NOX3: variants seen among roughly 807,000 people sequenced by gnomAD.
The protein encoded by NOX3 is NADPH oxidase catalytic subunit-like 3.
NOX3 carries 74 observed loss-of-function variants against 76.7 expected under a neutral mutation model. That is an observed-to-expected ratio of 0.96 (90% CI 0.80 to 1.17). The LOEUF is 1.17. NOX3 is among the 50% of genes most tolerant of loss of function. The pLI, the probability that NOX3 is intolerant of heterozygous loss-of-function variation, is 0.00. For missense variants in NOX3, 695 were observed against 703.3 expected (o/e 0.99, Z 0.13); for synonymous variants, 263 against 261.1 (o/e 1.01, Z -0.07).
In NOX3 at chr6:155,396,886, A is replaced by G; in HGVS notation, c.1657T>C (p.Ser553Pro). 6.2e-7 allele frequency: 1 copy of G among 1,613,472 alleles called. No homozygotes were observed. The highest frequency in any genetic ancestry group is 8.5e-7 in the Non-Finnish European group (1 of 1,179,560). The change falls in exon 13 of 14, where the codon TCA becomes CCA. Residue 553 changes from serine (S) to proline (P), a missense_variant. Ser to Pro is a moderately conservative substitution (Grantham distance 74). Transcript: ENST00000159060. ...TLQKMCHLYS[S>P]ADPRGVHFYY... is the part of the protein sequence containing the mutation. ...AAATGAACACCTCTGGGGTCAGCTG[A>G]TGAATACAAGTGGCACATCTTTTGA... is the stretch of plus-strand genomic sequence containing the variant.
Position 155,440,002 on chromosome 6 carries a change from G to T in NOX3, c.622C>A (p.His208Asn). Residue 208 changes from histidine (H) to asparagine (N), a missense_variant, in exon 6 of 14, where the codon CAT becomes AAT. By Grantham distance (68) the His-to-Asn change is moderately conservative (BLOSUM62 1). Coordinates refer to ENST00000159060, the MANE Select transcript of NOX3 (RefSeq NM_015718.3). ...ASYELFWYTHHVFIVFFLSLA... is the reference protein window; with the variant it reads ...ASYELFWYTHNVFIVFFLSLA... ...CTGAGAAAGAAGACGATGAAAACAT[G>T]GTGTGTGTACCAGAACAACTCATAG... The T allele has an allele frequency of 6.2e-7, 1 of 1,613,874 alleles. No homozygotes were observed. The highest frequency in any genetic ancestry group is 1.1e-5 in the South Asian group (1 of 91,030).
chr6:155,447,679 C>T (rs1026580608), intron 4 of NOX3, among the ~76,000 whole-genome samples: 1 of 152,206 alleles, frequency 6.6e-6, no homozygotes, highest in Non-Finnish European at 1.5e-5. Context: ...TTTTCTTTCA[C>T]AAGGTAGAAC....
At position 155,446,104 on chromosome 6, in the gene NOX3, C is replaced by T. The variant is rs79747357; in HGVS notation, c.341-2686G>A. Among the ~76,000 whole-genome samples, 249 of 151,156 alleles carry T rather than the reference C, an allele frequency of 1.6e-3. 4 individuals are homozygous for T. The East Asian group carries it at 0.041, about 25-fold the overall frequency. ...AAGGCAAAGCACTCGATAGTGTTTC[C>T]GCATCGTGATGTTTACTGCTTCCTT... On this transcript the variant is annotated intron_variant, in intron 4 of 13. Transcript: ENST00000159060.
chr6:155,423,748 T>C (rs1562464106), intron 9 of NOX3, among the ~76,000 whole-genome samples: 1 of 149,968 alleles, frequency 6.7e-6, no homozygotes, highest in Non-Finnish European at 1.5e-5. Context: ...TTTTTCTTTT[T>C]TTTTTTTTTT....
At chr6:155,414,139 G>A (rs1776593005) in intron 10 of NOX3, among the ~76,000 whole-genome samples, 2 of 152,140 alleles carry the variant, frequency 1.3e-5, no homozygotes, top group African/African-American at 2.4e-5. Flanking sequence ...AAGAGGCTAT[G>A]GAGGAAAAAT....
intron 12 of NOX3, among the ~76,000 whole-genome samples, chr6:155,399,803 C>A (rs932981980): frequency 6.6e-6 from 1 of 151,626 alleles, no homozygotes; most frequent in Non-Finnish European, 1.5e-5. Flanking sequence ...AGAAAAAATT[C>A]TTCTATAAAA....
rs577974999 is a variant in NOX3, at chr6:155,408,062, T to C, written c.1456-808A>G. 9.2e-5 allele frequency among the ~76,000 whole-genome samples: 14 copies of C among 152,316 alleles called. No individual in the cohort carries two copies. The East Asian group carries it at 2.7e-3, about 29-fold the overall frequency. ...GGCGTGATCTCGGTTCACTGCAATC[T>C]CCACCTCCTGAGTTCAAGCGATTCT... On this transcript the variant is annotated intron_variant, in intron 11 of 13. Transcript: ENST00000159060.
rs545633279 is a variant in NOX3, at chr6:155,413,802, TTC to T, written c.1309-2444_1309-2443del. On this transcript the variant is annotated intron_variant, in intron 10 of 13. Transcript: ENST00000159060. ...ATAGAGCAAATATCATTGATTTATT[TTC>T]TCTCTTTCCCATTCTTTAAGGAACA... 2.6e-4 allele frequency among the ~76,000 whole-genome samples: 39 copies of T among 152,278 alleles called. No individual in the cohort carries two copies. The South Asian group carries it at 7.7e-3, about 30-fold the overall frequency.
chr6:155,454,691 A>G (rs1777188256), intron 3 of NOX3, 120 bp downstream of exon 3: 1 of 635,608 alleles, frequency 1.6e-6, no homozygotes, highest in Non-Finnish European at 2.6e-6. Flanking sequence ...ATCTCTAACA[A>G]AGAAACCCAA....
Position 155,455,765 on chromosome 6 carries a change from G to A in NOX3, c.36C>T (p.Ser12=), listed in dbSNP as rs998900504. Residue 12 remains serine (S), a synonymous_variant, in exon 1 of 14, where the codon TCC becomes TCT. Coordinates refer to ENST00000159060, the MANE Select transcript of NOX3 (RefSeq NM_015718.3). The part of the protein sequence containing the change: ...MGCWILNEGL[S]TILVLSWLGI... ...AAATGATACTTACTACTAATATGGT[G>A]GAGAGACCCTCATTCAAAATCCAGC... The A allele has an allele frequency of 7.4e-6, 12 of 1,613,148 alleles. No homozygotes were observed. Among genetic ancestry groups the A allele is most frequent in the East Asian group, 6.7e-5 (3 of 44,856 alleles).
At chr6:155,423,329 A>G (rs970550387) in intron 9 of NOX3, among the ~76,000 whole-genome samples, 1 of 152,170 alleles carries the variant, frequency 6.6e-6, no homozygotes, top group African/African-American at 2.4e-5. Context: ...ACATCTTAGT[A>G]GGTTTATGTA....
intron 3 of NOX3, among the ~76,000 whole-genome samples, chr6:155,454,244 T>C (rs1562474793): frequency 6.6e-6 from 1 of 152,156 alleles, no homozygotes; most frequent in East Asian, 1.9e-4. Context: ...TGCAATAAAA[T>C]GAGGGATGCC....
chr6:155,445,984 T>TATATATA (rs1554264840), intron 4 of NOX3, among the ~76,000 whole-genome samples: 3 of 122,230 alleles, frequency 2.5e-5, no homozygotes, highest in African/African-American at 8.8e-5. Flanking sequence ...ATATATGCTA[T>TATATATA]ATATATATAT....
intron 11 of NOX3, among the ~76,000 whole-genome samples, chr6:155,410,658 G>A (rs1179487873): frequency 6.6e-6 from 1 of 152,070 alleles, no homozygotes; most frequent in Non-Finnish European, 1.5e-5. Context: ...CAAAACAAAA[G>A]ATCATCTTCA....
chr6:155,424,530 C>T (rs764822291), intron 9 of NOX3, among the ~76,000 whole-genome samples: 4 of 152,162 alleles, frequency 2.6e-5, no homozygotes, highest in Admixed American at 1.3e-4. Flanking sequence ...GTTGAAGACA[C>T]CGGAGGTTGG....
At chr6:155,413,332 G>A (rs1776577582) in intron 10 of NOX3, among the ~76,000 whole-genome samples, 1 of 152,024 alleles carries the variant, frequency 6.6e-6, no homozygotes, top group Non-Finnish European at 1.5e-5. Flanking sequence ...GGTGGGGAGA[G>A]CAAGGAGATG....
At chr6:155,453,663 T>C (rs1777175366) in intron 3 of NOX3, among the ~76,000 whole-genome samples, 175 bp from the exon 4 acceptor site, 1 of 152,182 alleles carries the variant, frequency 6.6e-6, no homozygotes, top group African/African-American at 2.4e-5. Context: ...TATTAGTTGC[T>C]TTGCTGAACT....
Position 155,440,058 on chromosome 6 carries a change from G to A in NOX3, c.566C>T (p.Thr189Ile), listed in dbSNP as rs755755183. The part of the protein sequence containing the change: ...VISLALVLIM[T>I]SSTEFIRQAS... The stretch of plus-strand genomic sequence containing the variant: ...CTGTCTGATGAACTCAGTTGACGAG[G>A]TCATGATCAAGACTAAAGCCAGAGA... The change falls in exon 6 of 14, where the codon ACC becomes ATC. Residue 189 changes from threonine (T) to isoleucine (I), a missense_variant. Physicochemically the swap from Thr to Ile is moderately conservative, Grantham distance 89. Coordinates refer to ENST00000159060, the MANE Select transcript of NOX3 (RefSeq NM_015718.3). The A allele has an allele frequency of 1.2e-6, 2 of 1,613,798 alleles. No individual in the cohort carries two copies. Among genetic ancestry groups the A allele is most frequent in the South Asian group, 1.1e-5 (1 of 91,052 alleles).
chr6:155,412,995 T>C (rs952976257), intron 10 of NOX3, among the ~76,000 whole-genome samples: 1 of 152,184 alleles, frequency 6.6e-6, no homozygotes, highest in Non-Finnish European at 1.5e-5. Context: ...TTAAGTTGAA[T>C]GGTCAAACGG....
Sources: gnomAD v4.1 joint callset for allele counts (sites outside exome capture counted in the v4.1 genomes callset) on GRCh38, gnomAD v4.1.1 for gene constraint, MANE v1.5 for transcripts, NCBI Gene and HGNC (gene_info 2026-07-23, HGNC 2026-07-21) for gene names.